Variants in COL21A1 observed in about 807,000 individuals in gnomAD.
The protein encoded by COL21A1 is collagen alpha-1(XXI) chain.
In COL21A1, 149 loss-of-function variants were observed where a neutral mutation model predicts 137.9. The ratio of observed to expected loss-of-function variants is 1.08; its 90% confidence interval spans 0.95 to 1.24. The LOEUF (loss-of-function observed/expected upper bound fraction) is 1.24. COL21A1 is among the 50% of genes most tolerant of loss of function. COL21A1 has a pLI of 0.00. For synonymous variants in COL21A1, 456 were observed against 391.5 expected, an observed-to-expected ratio of 1.16 and a Z score of -1.95; for missense variants, 1,167 against 1,158.4, an observed-to-expected ratio of 1.01 and a Z score of -0.11.
At chr6:56,128,271 A>AG (rs1369990800) in intron 12 of COL21A1, among the ~76,000 whole-genome samples, 1 of 152,188 alleles carries the variant, frequency 6.6e-6, no homozygotes, top group Non-Finnish European at 1.5e-5. Context: ...AGGGTGTAGC[A>AG]GGGGTTCTGC....
At chr6:56,133,411 G>A (rs550719266) in intron 12 of COL21A1, among the ~76,000 whole-genome samples, 10 of 152,302 alleles carry the variant, frequency 6.6e-5, no homozygotes, top group African/African-American at 2.4e-4. Context: ...AGGCATTCAA[G>A]AGGTAACTTG....
intron 1 of COL21A1, among the ~76,000 whole-genome samples, chr6:56,358,768 A>T (rs1279006065): frequency 2.0e-5 from 3 of 152,188 alleles, no homozygotes; most frequent in Admixed American, 6.5e-5. Flanking sequence ...AGAAAGAAAA[A>T]AGCCTAAAAT....
rs548249462 is a variant in COL21A1, at chr6:56,277,633, A to T, written c.-38-94977T>A. Among the ~76,000 whole-genome samples, 85 of 152,368 alleles carry T rather than the reference A, an allele frequency of 5.6e-4. No individual in the cohort carries two copies. The Middle Eastern group carries it at 0.01, about 18-fold the overall frequency. On this transcript the variant is annotated intron_variant, in intron 1 of 28. Transcript: ENST00000370819. ...ATACCAATTCTTGTAGATATTTTAC[A>T]ACTGTGTAGCAGATTTTTTAAATGT...
chr6:56,339,826 G>C (rs1008065164), intron 1 of COL21A1, among the ~76,000 whole-genome samples: 2 of 152,242 alleles, frequency 1.3e-5, no homozygotes, highest in South Asian at 4.1e-4. Context: ...ATCTGGTTTT[G>C]TCATCATTCT....
At chr6:56,354,763 C>A (rs928584280) in intron 1 of COL21A1, among the ~76,000 whole-genome samples, 5 of 152,016 alleles carry the variant, frequency 3.3e-5, no homozygotes, top group African/African-American at 1.2e-4. Context: ...CCATCTACTG[C>A]GAGGAGGATC....
At chr6:56,303,222 T>G (rs1016787427) in intron 1 of COL21A1, among the ~76,000 whole-genome samples, 1 of 152,226 alleles carries the variant, frequency 6.6e-6, no homozygotes, top group Non-Finnish European at 1.5e-5. Flanking sequence ...GGCTCTTTTT[T>G]GGGTCCATAT....
intron 3 of COL21A1, among the ~76,000 whole-genome samples, chr6:56,171,826 T>C (rs1326029556): frequency 6.6e-6 from 1 of 151,850 alleles, no homozygotes; most frequent in Non-Finnish European, 1.5e-5. Context: ...CATAGTCAGC[T>C]ATATAGGTAA....
chr6:56,276,871 C>T (rs1294909047), intron 1 of COL21A1: 4 of 539,602 alleles, frequency 7.4e-6, no homozygotes, highest in African/African-American at 3.9e-5. Context: ...TGCAGTGACG[C>T]GGTCCAGCTC....
intron 1 of COL21A1, among the ~76,000 whole-genome samples, chr6:56,302,192 T>C (rs1314143716): frequency 7.2e-5 from 11 of 152,064 alleles, no homozygotes; most frequent in Admixed American, 2.6e-4. Flanking sequence ...TAAACATATG[T>C]CTGCATGTGT....
In COL21A1 at chr6:56,358,311, T is replaced by C. The variant is rs961870526; in HGVS notation, c.-39+35660A>G. Among the ~76,000 whole-genome samples the C allele has an allele frequency of 3.6e-4, 55 of 152,084 alleles. 1 individual carries two copies. Among genetic ancestry groups the C allele is most frequent in the Non-Finnish European group, 2.1e-4 (14 of 68,010 alleles). On this transcript the variant is annotated intron_variant, in intron 1 of 28. Transcript: ENST00000370819. Reference sequence around the variant, plus strand: ...TCTGATTGAATCAAATCAAGCAACATTTGAAGATAATCTGAAATTTTAATA... The same window carrying C: ...TCTGATTGAATCAAATCAAGCAACACTTGAAGATAATCTGAAATTTTAATA...
chr6:56,098,019 ATAAATATATATG>A (rs1296140724), intron 17 of COL21A1, among the ~76,000 whole-genome samples: 2 of 69,782 alleles, frequency 2.9e-5, no homozygotes, highest in South Asian at 4.4e-4. Context: ...ATAAATATAT[ATAAATATATATG>A]TAAATATATA....
intron 1 of COL21A1, among the ~76,000 whole-genome samples, chr6:56,360,144 C>T (rs1024481086): frequency 1.3e-5 from 2 of 152,140 alleles, no homozygotes; most frequent in Admixed American, 6.5e-5. Context: ...AAGCAGAAGG[C>T]TTAGACTACT....
intron 1 of COL21A1, chr6:56,331,917 T>A (rs1367473813): frequency 6.6e-6 from 1 of 152,066 alleles, no homozygotes; most frequent in Admixed American, 6.6e-5. Context: ...AAATCAGAAG[T>A]ACTGCTTCGT....
intron 17 of COL21A1, among the ~76,000 whole-genome samples, chr6:56,099,078 A>T (rs1226565863): frequency 1.3e-5 from 2 of 151,494 alleles, no homozygotes; most frequent in Non-Finnish European, 2.9e-5. Context: ...ATCATGTTCA[A>T]CGTAAATACG....
At position 56,124,257 on chromosome 6, in the gene COL21A1, A is replaced by T; in HGVS notation, c.1686T>A (p.Pro562=). ...AACTCACAGCAGGTCCAGGGAGGCC[A>T]GGGAAGCCAGCATTCCCCTTTTCAC... ...AKGEKGNAGF[P]GLPGPAGEPG... Residue 562 remains proline, a synonymous_variant, in exon 15 of 30, where the codon CCT becomes CCA. Transcript: ENST00000244728. 1 of 1,603,982 alleles carries T rather than the reference A, an allele frequency of 6.2e-7. No individual in the cohort carries two copies. The highest frequency in any genetic ancestry group is 8.5e-7 in the Non-Finnish European group (1 of 1,174,898).
chr6:56,360,781 A>C (rs1765947962), intron 1 of COL21A1, among the ~76,000 whole-genome samples: 1 of 152,146 alleles, frequency 6.6e-6, no homozygotes, highest in Admixed American at 6.6e-5. Flanking sequence ...TTGTATTTTT[A>C]GATCTAAGAA....
chr6:56,362,171 G>C (rs1048297877), intron 1 of COL21A1, among the ~76,000 whole-genome samples: 10 of 152,226 alleles, frequency 6.6e-5, no homozygotes, highest in African/African-American at 2.4e-4. Flanking sequence ...CCAAGCTAGA[G>C]AGATACTAGC....
At chr6:56,323,936 T>C (rs1240916094) in intron 1 of COL21A1, among the ~76,000 whole-genome samples, 1 of 152,108 alleles carries the variant, frequency 6.6e-6, no homozygotes, top group Non-Finnish European at 1.5e-5. Flanking sequence ...GACTAACGCT[T>C]GGTCAAGCAA....
chr6:56,061,586 G>T, intron 25 of COL21A1, 63 bp downstream of exon 25: 2 of 1,183,142 alleles, frequency 1.7e-6, no homozygotes, highest in Non-Finnish European at 2.4e-6. Flanking sequence ...ATATAGTATT[G>T]AAACCCAAGC....
Sources: allele counts gnomAD v4.1 joint callset (sites outside exome capture counted in the v4.1 genomes callset), GRCh38; gene constraint gnomAD v4.1.1; transcripts MANE v1.5; gene names NCBI Gene and HGNC (gene_info 2026-07-23, HGNC 2026-07-21).